Variants in BDP1 observed in about 807,000 individuals in gnomAD.
BDP1 encodes the protein transcription factor TFIIIB component B'' homolog.
Under a neutral mutation model 266.6 loss-of-function variants are expected in BDP1, and 169 were observed. That is an observed-to-expected ratio of 0.63 (90% CI 0.56 to 0.72). The LOEUF (loss-of-function observed/expected upper bound fraction) is 0.72, where lower values mean the gene tolerates loss of function less well. Ranked by LOEUF, BDP1 falls within the 30% of genes least tolerant of loss-of-function variation. The pLI is 0.00. For missense variants in BDP1, 3,015 were observed against 3,053.8 expected (o/e 0.99, Z 0.30); for synonymous variants, 1,090 against 1,022.4 (o/e 1.07, Z -1.26).
intron 35 of BDP1, among the ~76,000 whole-genome samples, chr5:71,554,653 G>A (rs1467201868): frequency 1.3e-5 from 2 of 152,088 alleles, no homozygotes; most frequent in African/African-American, 4.8e-5. Context: ...ACTATGATAC[G>A]CCATTTAAAA....
In BDP1 at chr5:71,466,189, A is replaced by G; in HGVS notation, c.753A>G (p.Ala251=). 6.2e-7 allele frequency: 1 copy of G among 1,614,084 alleles called. No individual in the cohort carries two copies. Among genetic ancestry groups the G allele is most frequent in the African/African-American group, 1.3e-5 (1 of 75,050 alleles). The change falls in exon 5 of 39, where the codon GCA becomes GCG. Residue 251 remains alanine (A), a synonymous_variant. Transcript: ENST00000358731. ...GPLLVPRVKV[A]EDGSIILDEE... is the part of the protein sequence containing the mutation. ...TACTGGTTCCTCGAGTAAAAGTGGC[A>G]GAAGATGGTTCCATTATTTTGGATG...
At chr5:71,551,556 T>C (rs375440609) in intron 34 of BDP1, among the ~76,000 whole-genome samples, 1 of 152,056 alleles carries the variant, frequency 6.6e-6, no homozygotes, top group African/African-American at 2.4e-5. Context: ...AATCTTTTCC[T>C]CACCTTTCCC....
At position 71,512,368 on chromosome 5, in the gene BDP1, C is replaced by CAGA. The variant is rs1764975664; in HGVS notation, c.4190_4192dup (p.Glu1397dup). On this transcript the variant is annotated inframe_insertion, in exon 18 of 39. Coordinates refer to ENST00000358731, the MANE Select transcript of BDP1 (RefSeq NM_018429.3). ...TCACAGACTCATGAATCTGATAAAA[C>CAGA]AGAAGTCCAGGGGATTCAATCTCCA... The CAGA allele has an allele frequency of 6.3e-7, 1 of 1,597,226 alleles. No homozygotes were observed. Among genetic ancestry groups the CAGA allele is most frequent in the African/African-American group, 1.4e-5 (1 of 73,846 alleles).
intron 16 of BDP1, among the ~76,000 whole-genome samples, chr5:71,506,273 T>C (rs1764570428): frequency 6.6e-6 from 1 of 152,210 alleles, no homozygotes; most frequent in Non-Finnish European, 1.5e-5. Context: ...TTCCTCTCCA[T>C]GGGCAGTGTC....
chr5:71,514,764 A>T lies in BDP1; in HGVS notation c.4471-180A>T, dbSNP rs1475885167. 2.0e-5 allele frequency among the ~76,000 whole-genome samples: 3 copies of T among 152,078 alleles called. No individual in the cohort carries two copies. The South Asian group carries it at 6.2e-4, about 31-fold the overall frequency. ...TTACAATAAATATTTTTGTGTGTAT[A>T]TTTCTACTTGTTGAGTATTTATAAG... On this transcript the variant is annotated intron_variant, in intron 19 of 38. Coordinates refer to ENST00000358731, the MANE Select transcript of BDP1 (RefSeq NM_018429.3).
chr5:71,512,988 C>T (rs982058119), intron 18 of BDP1, among the ~76,000 whole-genome samples, 197 bp from the exon 19 acceptor site: 3 of 143,138 alleles, frequency 2.1e-5, no homozygotes, highest in African/African-American at 5.3e-5. Flanking sequence ...CTTGAGCCCG[C>T]GGAGGTCAAG....
At chr5:71,508,936 G>A (rs936291483) in intron 16 of BDP1, among the ~76,000 whole-genome samples, 1 of 152,172 alleles carries the variant, frequency 6.6e-6, no homozygotes, top group African/African-American at 2.4e-5. Context: ...AGAACTATCT[G>A]TATAGGAAAT....
intron 16 of BDP1, among the ~76,000 whole-genome samples, chr5:71,507,035 T>C (rs956803518): frequency 6.6e-6 from 1 of 152,142 alleles, no homozygotes; most frequent in Admixed American, 6.5e-5. Context: ...TTGCCCAGGC[T>C]GGTCTTGAAC....
rs34551677 is a variant in BDP1 at position 71,542,701 on chromosome 5, C to CATATATATAT, written c.6412+443_6412+452dup. ...CACCCTGTCTCTTATGAATTGAAAA[C>CATATATATAT]ATATATATATATATATTCATGTATA... On this transcript the variant is annotated intron_variant, in intron 30 of 38. Coordinates refer to ENST00000358731, the MANE Select transcript of BDP1 (RefSeq NM_018429.3). 1.9e-4 allele frequency among the ~76,000 whole-genome samples: 28 copies of CATATATATAT among 149,604 alleles called. No homozygotes were observed. The South Asian group carries it at 2.3e-3, about 12-fold the overall frequency.
chr5:71,536,778 T>C (rs1766625077), intron 26 of BDP1, among the ~76,000 whole-genome samples: 1 of 152,030 alleles, frequency 6.6e-6, no homozygotes, highest in Non-Finnish European at 1.5e-5. Flanking sequence ...TGCAGTAAGC[T>C]GTCATCGCCG....
At chr5:71,470,588 CTT>C (rs775641007) in intron 7 of BDP1, 99 bp downstream of exon 7, 5,646 of 586,956 alleles carry the variant, frequency 9.6e-3, no homozygotes, top group East Asian at 0.012. Context: ...CTTAGTTCAT[CTT>C]TTTTTTTTTT....
chr5:71,536,493 A>T (rs1766603264), intron 26 of BDP1, among the ~76,000 whole-genome samples: 1 of 152,198 alleles, frequency 6.6e-6, no homozygotes, highest in South Asian at 2.1e-4. Context: ...CAATTCTGAC[A>T]GGGAGAGCCA....
chr5:71,525,583 G>A lies in BDP1; in HGVS notation c.5772+1260G>A, dbSNP rs530899267. Among the ~76,000 whole-genome samples the A allele has an allele frequency of 1.5e-3, 131 of 85,092 alleles. 3 individuals are homozygous for A. Among genetic ancestry groups the A allele is most frequent in the African/African-American group, 5.3e-3 (126 of 23,834 alleles). 55.8% of individuals were successfully genotyped at this position (85,092 alleles called of 152,430 possible). The stretch of plus-strand genomic sequence containing the variant: ...TCCCGGATGGGGCGGCTGGCCGGGC[G>A]GGGGGCTGACCCCCCAACCTCCTTC... On this transcript the variant is annotated intron_variant, in intron 25 of 38. Transcript: ENST00000358731.
intron 30 of BDP1, among the ~76,000 whole-genome samples, chr5:71,542,924 GTGAAAATGTTATGAGCCATAGAGAAA>G (rs536402042): frequency 1.6e-4 from 25 of 152,174 alleles, no homozygotes; most frequent in Middle Eastern, 3.4e-3. Context: ...CCGTAGAGAA[GTGAAAATGTTATGAGCCATAGAGAAA>G]TGAAAATGTT....
At chr5:71,481,391 G>GAAAAAAAAAAAA (rs58798987) in intron 7 of BDP1, among the ~76,000 whole-genome samples, 2 of 63,844 alleles carry the variant, frequency 3.1e-5, no homozygotes, top group Non-Finnish European at 5.4e-5. Context: ...TCTCTACAAA[G>GAAAAAAAAAAAA]AAAAAAAAAA....
At chr5:71,479,185 G>A (rs983564354) in intron 7 of BDP1, among the ~76,000 whole-genome samples, 7 of 151,928 alleles carry the variant, frequency 4.6e-5, no homozygotes, top group Non-Finnish European at 1.5e-5. Context: ...TGGGACCACA[G>A]GTGCCCGTCA....
chr5:71,543,236 C>T (rs1412503115), intron 30 of BDP1, among the ~76,000 whole-genome samples: 1 of 152,132 alleles, frequency 6.6e-6, no homozygotes, highest in African/African-American at 2.4e-5. Flanking sequence ...GAACTGTGAT[C>T]ATGCCACTGT....
intron 28 of BDP1, among the ~76,000 whole-genome samples, chr5:71,540,680 A>G (rs781321101): frequency 1.2e-4 from 18 of 152,146 alleles, no homozygotes; most frequent in Non-Finnish European, 2.4e-4. Context: ...GCTCATGCCA[A>G]TAATACCAGC....
intron 19 of BDP1, among the ~76,000 whole-genome samples, chr5:71,514,040 C>G (rs1765091551): frequency 6.6e-6 from 1 of 151,970 alleles, no homozygotes; most frequent in Non-Finnish European, 1.5e-5. Context: ...TTTTTTATTT[C>G]ACTCTCTTGT....
Sources: allele counts gnomAD v4.1 joint callset (sites outside exome capture counted in the v4.1 genomes callset), GRCh38; gene constraint gnomAD v4.1.1; transcripts MANE v1.5; gene names NCBI Gene and HGNC (gene_info 2026-07-23, HGNC 2026-07-21).